The following MMP2 variants were observed in gnomAD, a reference collection of about 807,000 sequenced individuals.
MMP2 encodes the protein matrix metallopeptidase 2.
Under a neutral mutation model 74.8 loss-of-function variants are expected in MMP2, and 39 were observed. The ratio of observed to expected loss-of-function variants is 0.52; its 90% CI spans 0.40 to 0.68. The LOEUF (loss-of-function observed/expected upper bound fraction) is 0.68, where lower values mean the gene tolerates loss of function less well. Among genes scored for constraint, MMP2 ranks in the 30% least tolerant of loss-of-function variants. MMP2 has a pLI of 0.00. For missense variants in MMP2, 803 were observed against 878.3 expected (o/e 0.91, Z 1.08); for synonymous variants, 367 against 339.8 (o/e 1.08, Z -0.88).
At chr16:55,504,520 G>A in intron 12 of MMP2, among the ~76,000 whole-genome samples, 1 of 152,156 alleles carries the variant, frequency 6.6e-6, no homozygotes, top group Admixed American at 6.5e-5. Context: ...TGAGCAAACA[G>A]GGAATAAAAG....
In MMP2 at chr16:55,483,039, A is replaced by G; in HGVS notation, c.284A>G (p.Glu95Gly). 1 of 1,614,188 alleles carries G rather than the reference A, an allele frequency of 6.2e-7. No homozygotes were observed. ...QTGDLDQNTI[E>G]TMRKPRCGNP... ...GGTGATCTTGACCAGAATACCATCG[A>G]GACCATGCGGAAGCCACGCTGCGGC... Residue 95 changes from glutamate to glycine, a missense_variant, in exon 2 of 13, where the codon GAG becomes GGG. Glu to Gly is a moderately conservative substitution (Grantham distance 98). Transcript: ENST00000219070.
At position 55,493,055 on chromosome 16, in the gene MMP2, T is replaced by C. The variant is rs1409700488; in HGVS notation, c.1337-103T>C. On this transcript the variant is annotated intron_variant, in intron 8 of 12. Coordinates refer to ENST00000219070, the MANE Select transcript of MMP2 (RefSeq NM_004530.6). ...GCTTACACTAAGGCCAGAAGGCGAT[T>C]TCTTCTGACTCTTAGATGGTTGGGT... is the stretch of plus-strand genomic sequence containing the variant. The C allele has an allele frequency of 5.6e-6, 8 of 1,440,596 alleles. No homozygotes were observed. The African/African-American group carries it at 8.4e-5, about 15-fold the overall frequency. 89.2% of individuals were successfully genotyped at this position (1,440,596 alleles called of 1,614,324 possible). A position where few individuals can be genotyped will look rare whatever the true frequency, so the allele number is the denominator to read the frequency against.
At position 55,493,242 on chromosome 16, in the gene MMP2, T is replaced by C. The variant is rs766035646; in HGVS notation, c.1421T>C (p.Val474Ala). ...CCTGAGATCTGCAAACAGGACATTG[T>C]ATTTGATGGCATCGCTCAGATCCGT... ...VTPEICKQDI[V>A]FDGIAQIRGE... The change falls in exon 9 of 13, where the codon GTA (valine) becomes GCA (alanine). Residue 474 changes from valine to alanine, a missense_variant. Val to Ala is a moderately conservative substitution (Grantham distance 64, BLOSUM62 0). Around this residue, in one of 3 missense-constraint regions of MMP2, gnomAD observed 555 missense variants for 592.0 expected, o/e 0.94. Coordinates refer to ENST00000219070, the MANE Select transcript of MMP2 (RefSeq NM_004530.6). The C allele has an allele frequency of 5.6e-6, 9 of 1,614,168 alleles. No homozygotes were observed. Among genetic ancestry groups the C allele is most frequent in the Non-Finnish European group, 6.8e-6 (8 of 1,180,034 alleles).
intron 11 of MMP2, among the ~76,000 whole-genome samples, chr16:55,499,825 G>A (rs1205279778): frequency 1.3e-5 from 2 of 151,894 alleles, no homozygotes; most frequent in African/African-American, 4.8e-5. Flanking sequence ...AAGAGTGGTC[G>A]GGGCACAAAG....
At chr16:55,491,507 C>T (rs1044344560) in intron 7 of MMP2, among the ~76,000 whole-genome samples, 10 of 152,046 alleles carry the variant, frequency 6.6e-5, no homozygotes, top group Admixed American at 1.3e-4. Context: ...GTAGAAAATT[C>T]GCAGATACTA....
At chr16:55,490,825 G>C (rs889049163) in intron 7 of MMP2, among the ~76,000 whole-genome samples, 10 of 152,148 alleles carry the variant, frequency 6.6e-5, no homozygotes, top group Non-Finnish European at 1.0e-4. Flanking sequence ...TTCCTGAGTG[G>C]TTCAAGTATC....
chr16:55,482,867 C>T, intron 1 of MMP2, 42 bp from the exon 2 acceptor site: 14 of 1,552,686 alleles, frequency 9.0e-6, no homozygotes, highest in Non-Finnish European at 1.2e-5. Context: ...ACTGTGCCAT[C>T]CTAATGTGGC....
intron 5 of MMP2, chr16:55,487,377 C>A (rs1462029295): frequency 1.3e-5 from 2 of 152,374 alleles, no homozygotes; most frequent in African/African-American, 4.8e-5. Flanking sequence ...AGGTCAGAGG[C>A]AGGGGGCTGG....
intron 3 of MMP2, 131 bp downstream of exon 3, chr16:55,484,295 G>A (rs1036000739): frequency 8.9e-7 from 1 of 1,128,950 alleles, no homozygotes; most frequent in Admixed American, 2.0e-5. Flanking sequence ...GTGGGCCCTG[G>A]GGGTGGTTTA....
intron 3 of MMP2, among the ~76,000 whole-genome samples, chr16:55,484,777 T>C (rs1258307837): frequency 6.6e-6 from 1 of 152,180 alleles, no homozygotes; most frequent in Non-Finnish European, 1.5e-5. Flanking sequence ...GTATGTGGTA[T>C]AGACACTGAG....
chr16:55,489,128 T>C (rs980048859), intron 6 of MMP2, among the ~76,000 whole-genome samples: 2 of 152,186 alleles, frequency 1.3e-5, no homozygotes, highest in African/African-American at 2.4e-5. Flanking sequence ...CGTGCTTTCC[T>C]CCCTGTCTCC....
At chr16:55,485,503 G>A in intron 4 of MMP2, 76 bp downstream of exon 4, 1 of 1,613,032 alleles carries the variant, frequency 6.2e-7, no homozygotes, top group South Asian at 1.1e-5. Flanking sequence ...GGACCAGAGA[G>A]GTGGGAGGGG....
At chr16:55,486,322 CGTGT>C (rs35367564) in intron 5 of MMP2, among the ~76,000 whole-genome samples, 14,976 of 127,586 alleles carry the variant, frequency 0.12, 847 homozygotes, top group East Asian at 0.26. Flanking sequence ...TCTGCTAATG[CGTGT>C]GTGTGTGTGT....
At chr16:55,495,710 CA>C (rs140485629) in intron 9 of MMP2, among the ~76,000 whole-genome samples, 2,868 of 152,302 alleles carry the variant, frequency 0.019, 89 homozygotes, top group African/African-American at 0.065. Context: ...CCAGCCTAAA[CA>C]GTAGAGAGAA....
Position 55,505,491 on chromosome 16 carries a change from C to A in MMP2, c.*49C>A. Reference sequence around the variant, plus strand: ...CTTCCTCTCCACTGCCTTCGATACACCGGGCCTGGAGAACTAGAGAAGGAC... The same window carrying A: ...CTTCCTCTCCACTGCCTTCGATACAACGGGCCTGGAGAACTAGAGAAGGAC... On this transcript the variant is annotated 3_prime_UTR_variant, in exon 13 of 13. Coordinates refer to ENST00000219070, the MANE Select transcript of MMP2 (RefSeq NM_004530.6). 6.5e-7 allele frequency: 1 copy of A among 1,530,504 alleles called. No individual in the cohort carries two copies. The highest frequency in any genetic ancestry group is 9.1e-7 in the Non-Finnish European group (1 of 1,104,492). The allele number at this position is 1,530,504 out of a possible 1,614,324, so 94.8% of individuals were successfully genotyped here. A position where few individuals can be genotyped will look rare whatever the true frequency, so the allele number is the denominator to read the frequency against.
chr16:55,503,845 T>A (rs1962729177), intron 12 of MMP2, among the ~76,000 whole-genome samples: 1 of 152,082 alleles, frequency 6.6e-6, no homozygotes, highest in Non-Finnish European at 1.5e-5. Flanking sequence ...CTTCAGATAA[T>A]TATTGGCGGG....
chr16:55,504,863 A>G lies in MMP2; in HGVS notation c.1880-476A>G, dbSNP rs535527947. ...GAGACGAGGTTTCACCATGTTAGCC[A>G]GGATGGTCTTGATCTCCTGACTTCG... On this transcript the variant is annotated intron_variant, in intron 12 of 12. Transcript: ENST00000219070. 3.9e-5 allele frequency among the ~76,000 whole-genome samples: 6 copies of G among 152,146 alleles called. No individual in the cohort carries two copies. In the East Asian group the frequency reaches 9.7e-4, roughly 25 times the overall value.
At position 55,505,431 on chromosome 16, in the gene MMP2, C is replaced by T. The variant is rs1320511333; in HGVS notation, c.1972C>T (p.Leu658=). ...VKFGSIKSDW[L]GC ...GTTTGGAAGCATCAAATCCGACTGGCTAGGCTGCTGAGCTGGCCCTGGCTC... is the reference window on the plus strand; with the variant it reads ...GTTTGGAAGCATCAAATCCGACTGGTTAGGCTGCTGAGCTGGCCCTGGCTC... The change falls in exon 13 of 13, where the codon CTA becomes TTA. Residue 658 remains leucine (L), a synonymous_variant. Coordinates refer to ENST00000219070, the MANE Select transcript of MMP2 (RefSeq NM_004530.6). 7.4e-6 allele frequency: 12 copies of T among 1,614,014 alleles called. No individual in the cohort carries two copies. The highest frequency in any genetic ancestry group is 1.7e-4 in the Middle Eastern group (1 of 6,058).
At position 55,505,526 on chromosome 16, in the gene MMP2, C is replaced by A; in HGVS notation, c.*84C>A. The A allele has an allele frequency of 8.3e-7, 1 of 1,197,622 alleles. No homozygotes were observed. Among genetic ancestry groups the A allele is most frequent in the Non-Finnish European group, 1.2e-6 (1 of 803,336 alleles). The allele number at this position is 1,197,622 out of a possible 1,614,324, so 74.2% of individuals were successfully genotyped here. A position where few individuals can be genotyped will look rare whatever the true frequency, so the allele number is the denominator to read the frequency against. ...AGAACTAGAGAAGGACCCGGAGGGGCCTGGCAGCCGTGCCTTCAGCTCTAC... is the reference window on the plus strand; with the variant it reads ...AGAACTAGAGAAGGACCCGGAGGGGACTGGCAGCCGTGCCTTCAGCTCTAC... On this transcript the variant is annotated 3_prime_UTR_variant, in exon 13 of 13. Transcript: ENST00000219070.
Sources: gnomAD v4.1 joint callset for allele counts (sites outside exome capture counted in the v4.1 genomes callset) on GRCh38, gnomAD v4.1.1 for gene constraint, gnomAD v4.1.1 regional missense constraint, MANE v1.5 for transcripts, NCBI Gene and HGNC (gene_info 2026-07-23, HGNC 2026-07-21) for gene names.